The following AGRN variants were observed in gnomAD, a reference collection of about 807,000 sequenced individuals.
The protein encoded by AGRN is agrin, also known as agrin proteoglycan.
AGRN carries 106 observed loss-of-function variants against 211.0 expected under a neutral mutation model. The ratio of observed to expected loss-of-function variants is 0.50; its 90% CI spans 0.43 to 0.59. AGRN has a LOEUF of 0.59. Among genes scored for constraint, AGRN ranks in the 20% least tolerant of loss-of-function variants. AGRN has a pLI of 0.00. For synonymous variants in AGRN, 1,525 were observed against 1,332.5 expected, an observed-to-expected ratio of 1.14 and a Z score of -3.15; for missense variants, 3,040 against 2,982.6, an observed-to-expected ratio of 1.02 and a Z score of -0.45.
Position 1,050,582 on chromosome 1 carries a change from C to T in AGRN, c.5132C>T (p.Ala1711Val), listed in dbSNP as rs749228236. ...EFRYDLGKGA[A>V]VIRSREPVTL... The stretch of plus-strand genomic sequence containing the variant: ...CGCTACGACCTGGGCAAGGGGGCAG[C>T]GGTCATCAGGTGGGCCGGCAAGGGT... Residue 1711 changes from alanine (A) to valine (V), a missense_variant, in exon 29 of 36, where the codon GCG becomes GTG. Ala to Val is a moderately conservative substitution (Grantham distance 64). Coordinates refer to ENST00000379370, the MANE Select transcript of AGRN (RefSeq NM_198576.4). 4 of 1,609,638 alleles carry T rather than the reference C, an allele frequency of 2.5e-6. No individual in the cohort carries two copies. The highest frequency in any genetic ancestry group is 2.2e-5 in the South Asian group (2 of 90,988).
chr1:1,051,151 A>G, intron 30 of AGRN, 102 bp from the exon 31 acceptor site: 1 of 1,043,058 alleles, frequency 9.6e-7, no homozygotes, highest in Non-Finnish European at 1.4e-6. Flanking sequence ...GCTGCCCCCT[A>G]GATAGGCAAT....
chr1:1,048,459 G>A lies in AGRN; in HGVS notation c.4105+94G>A, dbSNP rs947997033. 17 of 1,090,188 alleles carry A rather than the reference G, an allele frequency of 1.6e-5. No homozygotes were observed. Among genetic ancestry groups the A allele is most frequent in the African/African-American group, 4.8e-5 (3 of 62,566 alleles). 67.5% of individuals were successfully genotyped at this position (1,090,188 alleles called of 1,614,324 possible). On this transcript the variant is annotated intron_variant, in intron 23 of 35. Coordinates refer to ENST00000379370, the MANE Select transcript of AGRN (RefSeq NM_198576.4). The surrounding 1 kb of genome is among the most constrained non-coding windows in gnomAD (Gnocchi z 5.9). Reference sequence around the variant, plus strand: ...AAGCCACCATCAGGCTTTGAGTTGGGGGCAGGAGCCCGGATTAAGGCGGGG... The same window carrying A: ...AAGCCACCATCAGGCTTTGAGTTGGAGGCAGGAGCCCGGATTAAGGCGGGG...
At position 1,041,345 on chromosome 1, in the gene AGRN, C is replaced by G. The variant is rs1198420769; in HGVS notation, c.900C>G (p.Arg300=). 1.3e-6 allele frequency: 2 copies of G among 1,530,492 alleles called. No homozygotes were observed. Among genetic ancestry groups the G allele is most frequent in the South Asian group, 1.2e-5 (1 of 83,438 alleles). The allele number at this position is 1,530,492 out of a possible 1,614,324, so 94.8% of individuals were successfully genotyped here. A position where few individuals can be genotyped will look rare whatever the true frequency, so the allele number is the denominator to read the frequency against. ...ADYPGECQLL[R]RACARQENVF... ...ACCCCGGCGAGTGCCAGCTCCTGCG[C>G]CGCGCCTGCGCCCGCCAGGAGAATG... Residue 300 remains arginine (R), a synonymous_variant, in exon 5 of 36, where the codon CGC becomes CGG. Transcript: ENST00000379370.
intron 2 of AGRN, chr1:1,034,548 C>T: frequency 1.0e-6 from 1 of 986,464 alleles, no homozygotes; most frequent in Non-Finnish European, 1.2e-6. Context: ...GAGCCGGAGC[C>T]CCGGGCCATG....
Position 1,051,608 on chromosome 1 carries a change from G to T in AGRN, c.5526G>T (p.Leu1842=). Residue 1842 remains leucine, a synonymous_variant, in exon 32 of 36, where the codon CTG becomes CTT. Coordinates refer to ENST00000379370, the MANE Select transcript of AGRN (RefSeq NM_198576.4). ...CGAGGGAGGCTGCCTATGTGTGCCTGTGTCCCGGGGGATTCTCAGGACCGC... is the reference window on the plus strand; with the variant it reads ...CGAGGGAGGCTGCCTATGTGTGCCTTTGTCCCGGGGGATTCTCAGGACCGC... ...CVPREAAYVC[L]CPGGFSGPHC... 6.2e-7 allele frequency: 1 copy of T among 1,608,480 alleles called. No homozygotes were observed. Among genetic ancestry groups the T allele is most frequent in the Admixed American group, 1.7e-5 (1 of 59,778 alleles).
rs150123719 is a variant in AGRN at position 1,045,177 on chromosome 1, G to A, written c.2271G>A (p.Pro757=). Residue 757 remains proline (P), a synonymous_variant, in exon 13 of 36, where the codon CCG becomes CCA. Coordinates refer to ENST00000379370, the MANE Select transcript of AGRN (RefSeq NM_198576.4). Reference sequence around the variant, plus strand: ...TTCCTGCAGGCCCCACCTTCGCCCCGCTGCCGCCTGTGGCCCCCTTACACT... The same window carrying A: ...TTCCTGCAGGCCCCACCTTCGCCCCACTGCCGCCTGTGGCCCCCTTACACT... ...QGACRGPTFA[P]LPPVAPLHCA... The A allele has an allele frequency of 2.7e-4, 434 of 1,612,380 alleles. No individual in the cohort carries two copies. Among genetic ancestry groups the A allele is most frequent in the Non-Finnish European group, 3.5e-4 (409 of 1,179,938 alleles).
chr1:1,051,415 G>A, intron 31 of AGRN, 38 bp from the exon 32 acceptor site: 1 of 1,541,778 alleles, frequency 6.5e-7, no homozygotes, highest in Non-Finnish European at 8.7e-7. Flanking sequence ...GGGCGGGCGG[G>A]GTGGCAGGCG....
chr1:1,046,572 C>G lies in AGRN; in HGVS notation c.3087C>G (p.Ser1029Arg), dbSNP rs767290327. The change falls in exon 18 of 36, where the codon AGC becomes AGG. Residue 1029 changes from serine (S) to arginine (R), a missense_variant. Physicochemically the swap from Ser to Arg is moderately radical, Grantham distance 110. Around this residue, in one of 3 missense-constraint regions of AGRN, gnomAD observed 1,537 missense variants for 1,505.0 expected, o/e 1.02. Coordinates refer to ENST00000379370, the MANE Select transcript of AGRN (RefSeq NM_198576.4). ...PPSSRPRTTA[S>R]VPRTTVWPVL... ...CATCACGACCTCGGACCACTGCCAG[C>G]GTCCCCAGGACCACCGTGTGGCCCG... is the stretch of plus-strand genomic sequence containing the variant. The G allele has an allele frequency of 6.2e-7, 1 of 1,608,304 alleles. No individual in the cohort carries two copies. Among genetic ancestry groups the G allele is most frequent in the Non-Finnish European group, 8.5e-7 (1 of 1,179,326 alleles).
intron 33 of AGRN, 134 bp from the exon 34 acceptor site, chr1:1,053,619 T>G: frequency 6.7e-7 from 1 of 1,485,038 alleles, no homozygotes; most frequent in Non-Finnish European, 9.1e-7. Flanking sequence ...ACTGTCGGTG[T>G]CTGCCCACCA....
chr1:1,022,125 C>T, intron 1 of AGRN, 76 bp from the exon 2 acceptor site: 1 of 1,582,118 alleles, frequency 6.3e-7, no homozygotes, highest in Non-Finnish European at 8.7e-7. Context: ...GACATTTGCC[C>T]TAAACACCTA....
rs756204860 is a variant in AGRN at position 1,044,110 on chromosome 1, C to T, written c.2001C>T (p.Ala667=). 7 of 1,613,284 alleles carry T rather than the reference C, an allele frequency of 4.3e-6. No individual in the cohort carries two copies. Among genetic ancestry groups the T allele is most frequent in the Non-Finnish European group, 5.9e-6 (7 of 1,179,930 alleles). The change falls in exon 11 of 36, where the codon GCC becomes GCT. Residue 667 remains alanine, a splice_region_variant and synonymous_variant. Coordinates refer to ENST00000379370, the MANE Select transcript of AGRN (RefSeq NM_198576.4). ...EEARAGPCEQ[A]ECGSGGSGSG... ...TGACTCTGCTCCCCTTCCCCGCAGC[C>T]GAGTGCGGTTCCGGAGGCTCTGGCT...
At position 1,031,260 on chromosome 1, in the gene AGRN, A is replaced by G. The variant is rs1250133426; in HGVS notation, c.464-4017A>G. 6.8e-6 allele frequency among the ~76,000 whole-genome samples: 1 copy of G among 147,968 alleles called. No homozygotes were observed. The highest frequency in any genetic ancestry group is 1.5e-5 in the Non-Finnish European group (1 of 67,186). On this transcript the variant is annotated intron_variant, in intron 2 of 35. Coordinates refer to ENST00000379370, the MANE Select transcript of AGRN (RefSeq NM_198576.4). The surrounding 1 kb of genome is among the most constrained non-coding windows in gnomAD (Gnocchi z 4.8). ...CAGCATGTCTGTGTGTGTGCAGTGC[A>G]TGGTGCTGAGTGTGAGATCAGCATG... is the stretch of plus-strand genomic sequence containing the variant.
At chr1:1,052,190 C>A in intron 33 of AGRN, 2 of 754,070 alleles carry the variant, frequency 2.7e-6, no homozygotes, top group Non-Finnish European at 3.9e-6. Context: ...GCAGTCGCCC[C>A]TCCCAGGGCA....
chr1:1,053,774 C>A lies in AGRN; in HGVS notation c.5673C>A (p.Asn1891Lys). 3.7e-6 allele frequency: 6 copies of A among 1,608,322 alleles called. No homozygotes were observed. Among genetic ancestry groups the A allele is most frequent in the Non-Finnish European group, 5.1e-6 (6 of 1,178,128 alleles). Reference protein sequence around the residue: ...VTESEKALQSNHFELSLRTEA... With the variant: ...VTESEKALQSKHFELSLRTEA... ...CCAGCGAGAAGGCACTGCAGAGCAA[C>A]CACTTTGAACTGAGCCTGCGCACTG... Residue 1891 changes from asparagine to lysine, a missense_variant, in exon 34 of 36, where the codon AAC becomes AAA. Around this residue, in one of 3 missense-constraint regions of AGRN, gnomAD observed 1,537 missense variants for 1,505.0 expected, o/e 1.02. Transcript: ENST00000379370.
rs371173182 is a variant in AGRN, at chr1:1,050,289, C to T, written c.4936C>T (p.Leu1646=). 1.1e-5 allele frequency: 18 copies of T among 1,612,916 alleles called. No homozygotes were observed. In the African/African-American group the frequency reaches 1.2e-4, roughly 11 times the overall value. The part of the protein sequence containing the change: ...FLADFNGFSH[L]ELRGLHTFAR... Reference sequence around the variant, plus strand: ...GGCTGACTTCAACGGCTTCTCCCACCTGGAGCTGAGAGGCCTGCACACCTT... The same window carrying T: ...GGCTGACTTCAACGGCTTCTCCCACTTGGAGCTGAGAGGCCTGCACACCTT... The change falls in exon 28 of 36, where the codon CTG becomes TTG. Residue 1646 remains leucine, a synonymous_variant. Coordinates refer to ENST00000379370, the MANE Select transcript of AGRN (RefSeq NM_198576.4).
At chr1:1,053,243 C>T (rs535393038) in intron 33 of AGRN, 19 of 319,880 alleles carry the variant, frequency 5.9e-5, no homozygotes, top group Admixed American at 2.3e-4. Context: ...TCAAGTGTCT[C>T]GTGTCTGCAC....
chr1:1,033,860 C>T (rs1486688616), intron 2 of AGRN, among the ~76,000 whole-genome samples: 1 of 150,150 alleles, frequency 6.7e-6, no homozygotes, highest in Non-Finnish European at 1.5e-5. Context: ...GCCTGCCCGG[C>T]GTTCCCTTTT....
intron 30 of AGRN, 159 bp from the exon 31 acceptor site, chr1:1,051,094 G>A: frequency 6.5e-7 from 1 of 1,547,386 alleles, no homozygotes; most frequent in African/African-American, 1.4e-5. Context: ...CAACCCCTAG[G>A]GTAGCTCCTC....
Position 1,035,172 on chromosome 1 carries a change from G to T in AGRN, c.464-105G>T, listed in dbSNP as rs1459248134. 1,672 of 414,522 alleles carry T rather than the reference G, an allele frequency of 4.0e-3. 8 individuals carry two copies. The South Asian group carries it at 0.041, about 10-fold the overall frequency. The allele number at this position is 414,522 out of a possible 1,614,324, so 25.7% of individuals were successfully genotyped here. Reference sequence around the variant, plus strand: ...CCTGGATCCCTGGGGCTAGCGGTGGGGGGGGGGGGGTGGGCAGGGGTGCCC... The same window carrying T: ...CCTGGATCCCTGGGGCTAGCGGTGGTGGGGGGGGGGTGGGCAGGGGTGCCC... On this transcript the variant is annotated intron_variant, in intron 2 of 35. Coordinates refer to ENST00000379370, the MANE Select transcript of AGRN (RefSeq NM_198576.4).
Sources: gnomAD v4.1 joint callset for allele counts (sites outside exome capture counted in the v4.1 genomes callset) on GRCh38, gnomAD v4.1.1 for gene constraint, gnomAD v4.1.1 regional missense constraint, Gnocchi (gnomAD v3.1) non-coding constraint, MANE v1.5 for transcripts, NCBI Gene and HGNC (gene_info 2026-07-23, HGNC 2026-07-21) for gene names.